Variants in PTPRN2 observed in about 807,000 individuals in gnomAD.
PTPRN2 encodes the protein protein tyrosine phosphatase receptor type N2.
PTPRN2 carries 74 observed loss-of-function variants against 118.8 expected under a neutral mutation model. That is an observed-to-expected ratio of 0.62 (90% CI 0.52 to 0.76). The LOEUF (loss-of-function observed/expected upper bound fraction) is 0.76, where lower values mean the gene tolerates loss of function less well. PTPRN2 is among the 30% of genes least tolerant of loss of function. PTPRN2 has a pLI of 0.00. For synonymous variants in PTPRN2, 641 were observed against 608.0 expected (o/e 1.05, Z -0.80); for missense variants, 1,481 against 1,394.4 (o/e 1.06, Z -0.99).
chr7:158,413,494 T>C (rs2129417113), intron 2 of PTPRN2, among the ~76,000 whole-genome samples: 1 of 152,362 alleles, frequency 6.6e-6, no homozygotes, highest in South Asian at 2.1e-4. Flanking sequence ...CTGGCCACTG[T>C]CCACTCTGGG....
At position 158,183,441 on chromosome 7, in the gene PTPRN2, T is replaced by C. The variant is rs191872458; in HGVS notation, c.549+8886A>G. Among the ~76,000 whole-genome samples the C allele has an allele frequency of 9.2e-5, 14 of 152,276 alleles. No homozygotes were observed. The East Asian group carries it at 2.7e-3, about 29-fold the overall frequency. ...GTGCTTCCCACTCCCCCCTGGGTTA[T>C]GGCCAAGGGAGTTTGTCCCCACTCA... On this transcript the variant is annotated intron_variant, in intron 5 of 22. Coordinates refer to ENST00000389418, the MANE Select transcript of PTPRN2 (RefSeq NM_002847.5).
chr7:157,922,103 T>C (rs1167037773), intron 11 of PTPRN2, among the ~76,000 whole-genome samples: 1 of 152,256 alleles, frequency 6.6e-6, no homozygotes, highest in East Asian at 1.9e-4. Context: ...TGTCCCTGGT[T>C]AGATGTTCAA....
chr7:158,174,385 A>T (rs1823995872), intron 5 of PTPRN2, among the ~76,000 whole-genome samples: 1 of 151,716 alleles, frequency 6.6e-6, no homozygotes. Flanking sequence ...CCCCACCATC[A>T]TCATCTTCAC....
Position 157,874,796 on chromosome 7 carries a change from TAC to T in PTPRN2, c.1788+23875_1788+23876del, listed in dbSNP as rs955137284. On this transcript the variant is annotated intron_variant, in intron 12 of 22. Transcript: ENST00000389418. This position sits in a 1 kb window ranked among gnomAD's most constrained non-coding sequence, Gnocchi z 5.8. ...ACACACGAACACACTCATACACATA[TAC>T]ACACAGAGACACACTCATGGACACA... 1.4e-5 allele frequency among the ~76,000 whole-genome samples: 2 copies of T among 140,858 alleles called. No individual in the cohort carries two copies. The highest frequency in any genetic ancestry group is 1.5e-5 in the Non-Finnish European group (1 of 65,242). 92.4% of individuals were successfully genotyped at this position (140,858 alleles called of 152,430 possible).
intron 2 of PTPRN2, among the ~76,000 whole-genome samples, chr7:158,487,154 C>T (rs4368927): frequency 0.19 from 29,166 of 152,158 alleles, 3,299 homozygotes; most frequent in East Asian, 0.41. Context: ...GGATGGACCA[C>T]GTTTCACTTG....
At chr7:157,817,733 T>G (rs1353985559) in intron 12 of PTPRN2, among the ~76,000 whole-genome samples, 1 of 152,220 alleles carries the variant, frequency 6.6e-6, no homozygotes, top group Non-Finnish European at 1.5e-5. Context: ...CCGTGTGGCC[T>G]GTGTGCATGC....
intron 2 of PTPRN2, among the ~76,000 whole-genome samples, chr7:158,333,588 T>C (rs1425794657): frequency 6.7e-6 from 1 of 149,988 alleles, no homozygotes; most frequent in Non-Finnish European, 1.5e-5. Flanking sequence ...CCGGCACACG[T>C]CACACACACC....
chr7:158,565,403 G>A lies in PTPRN2; in HGVS notation c.112+22155C>T, dbSNP rs992993393. ...GAGAGGTGAGACAGAGCCAGCTCTG[G>A]GCTGTGGCTGGTCATCTCAACCCCA... On this transcript the variant is annotated intron_variant, in intron 1 of 22. Transcript: ENST00000389418. The surrounding 1 kb of genome is among the most constrained non-coding windows in gnomAD (Gnocchi z 4.6). Among the ~76,000 whole-genome samples the A allele has an allele frequency of 1.3e-5, 2 of 152,110 alleles. No homozygotes were observed. Among genetic ancestry groups the A allele is most frequent in the African/African-American group, 4.8e-5 (2 of 41,420 alleles).
chr7:158,139,188 C>T lies in PTPRN2; in HGVS notation c.911-673G>A, dbSNP rs915212357. ...AACCCGAAATTGAGAATAGGGCAGT[C>T]GATGATTAGAGCGAGGAGACAAGGC... On this transcript the variant is annotated intron_variant, in intron 6 of 22. Transcript: ENST00000389418. Among the ~76,000 whole-genome samples the T allele has an allele frequency of 3.3e-5, 5 of 152,052 alleles. No homozygotes were observed. The South Asian group carries it at 6.2e-4, about 19-fold the overall frequency.
At chr7:158,214,977 G>A (rs1405844968) in intron 3 of PTPRN2, among the ~76,000 whole-genome samples, 1 of 152,044 alleles carries the variant, frequency 6.6e-6, no homozygotes, top group Non-Finnish European at 1.5e-5. Flanking sequence ...AAAATAACTG[G>A]TTATACAAAG....
chr7:158,282,176 G>A (rs1387237549), intron 3 of PTPRN2, among the ~76,000 whole-genome samples: 2 of 81,186 alleles, frequency 2.5e-5, no homozygotes, highest in African/African-American at 7.8e-5. Flanking sequence ...GAGTGGCTCT[G>A]CCTTTTTTTT....
At position 158,521,176 on chromosome 7, in the gene PTPRN2, AT is replaced by A. The variant is rs1823963670; in HGVS notation, c.113-31392del. 2.0e-5 allele frequency among the ~76,000 whole-genome samples: 3 copies of A among 152,206 alleles called. No homozygotes were observed. The South Asian group carries it at 6.2e-4, about 32-fold the overall frequency. ...GTATTATTTTTATTGTTGTATTGTT[AT>A]TTTATATTTTTTTCCCCAGTACTTT... On this transcript the variant is annotated intron_variant, in intron 1 of 22. Transcript: ENST00000389418.
chr7:158,353,025 C>T (rs1218694079), intron 2 of PTPRN2, among the ~76,000 whole-genome samples: 1 of 152,252 alleles, frequency 6.6e-6, no homozygotes, highest in African/African-American at 2.4e-5. Context: ...CAACAGATCA[C>T]ACCCTGTTAG....
At chr7:157,847,878 A>G (rs1477206262) in intron 12 of PTPRN2, among the ~76,000 whole-genome samples, 2 of 144,016 alleles carry the variant, frequency 1.4e-5, no homozygotes, top group African/African-American at 5.2e-5. Flanking sequence ...TCATTACATC[A>G]TGTGTGCCCG....
At chr7:157,876,691 G>A (rs181877745) in intron 12 of PTPRN2, among the ~76,000 whole-genome samples, 2 of 152,294 alleles carry the variant, frequency 1.3e-5, no homozygotes, top group South Asian at 2.1e-4. Context: ...CACCCCAAGA[G>A]TGAGGATGGG....
At chr7:157,731,114 A>T (rs1243913101) in intron 12 of PTPRN2, among the ~76,000 whole-genome samples, 2 of 152,032 alleles carry the variant, frequency 1.3e-5, no homozygotes, top group Admixed American at 6.5e-5. Flanking sequence ...AGGCTCCTTT[A>T]CGACTTCACC....
chr7:157,749,609 A>AG (rs1801314563), intron 12 of PTPRN2, among the ~76,000 whole-genome samples: 1 of 33,264 alleles, frequency 3.0e-5, no homozygotes, highest in South Asian at 1.0e-3. Context: ...GGGGTGTCTG[A>AG]GTGATTCTGC....
chr7:158,070,722 T>TGTGGAGGTGCCCATGGTG (rs1811258935), intron 11 of PTPRN2, among the ~76,000 whole-genome samples: 1 of 44,266 alleles, frequency 2.3e-5, no homozygotes, highest in Non-Finnish European at 4.1e-5. Flanking sequence ...GTGCCTGTGG[T>TGTGGAGGTGCCCATGGTG]GTGGAGGTGC....
chr7:158,576,976 CCA>C (rs1828365495), intron 1 of PTPRN2, among the ~76,000 whole-genome samples: 1 of 119,366 alleles, frequency 8.4e-6, no homozygotes, highest in African/African-American at 3.5e-5. Flanking sequence ...CTGCCTGATG[CCA>C]CAGACAGCAT....
Sources: allele counts gnomAD v4.1 joint callset (sites outside exome capture counted in the v4.1 genomes callset), GRCh38; gene constraint gnomAD v4.1.1; non-coding constraint Gnocchi (gnomAD v3.1); transcripts MANE v1.5; gene names NCBI Gene and HGNC (gene_info 2026-07-23, HGNC 2026-07-21).